SYNJ2: variants seen among roughly 807,000 people sequenced by gnomAD.
SYNJ2 encodes the protein polyphosphatidylinositol phosphatase SYNJ2.
A neutral mutation model predicts 141.3 loss-of-function variants in SYNJ2; 116 were observed. The observed-to-expected ratio is 0.82, with a 90% CI of 0.71 to 0.96. The LOEUF (loss-of-function observed/expected upper bound fraction) is 0.96. Ranked by LOEUF, SYNJ2 falls within the 40% of genes least tolerant of loss-of-function variation. The pLI, the probability that SYNJ2 is intolerant of heterozygous loss-of-function variation, is 0.00. For missense variants in SYNJ2, 1,873 were observed against 1,934.8 expected (o/e 0.97, Z 0.60); for synonymous variants, 745 against 777.7 (o/e 0.96, Z 0.70).
chr6:157,999,378 A>C (rs900680981), intron 1 of SYNJ2, among the ~76,000 whole-genome samples: 1 of 152,206 alleles, frequency 6.6e-6, no homozygotes, highest in Non-Finnish European at 1.5e-5. Flanking sequence ...CTTCATGGCC[A>C]TGCCCTGGCA....
intron 1 of SYNJ2, among the ~76,000 whole-genome samples, chr6:157,992,176 G>A (rs1422733359): frequency 6.6e-6 from 1 of 151,972 alleles, no homozygotes; most frequent in Non-Finnish European, 1.5e-5. Flanking sequence ...AAATTATATA[G>A]TCACCATGTT....
chr6:158,087,896 T>TTTTA (rs1783165669), intron 23 of SYNJ2, among the ~76,000 whole-genome samples: 1 of 149,934 alleles, frequency 6.7e-6, no homozygotes, highest in African/African-American at 2.4e-5. Flanking sequence ...TTTTTTTTTT[T>TTTTA]AACAAAATTA....
intron 3 of SYNJ2, chr6:158,030,307 A>C (rs553007268): frequency 6.6e-6 from 1 of 152,666 alleles, no homozygotes; most frequent in Non-Finnish European, 1.5e-5. Context: ...ATGTTTTAGA[A>C]TCCAGTGTCT....
At chr6:158,006,237 A>G (rs1474128163) in intron 1 of SYNJ2, among the ~76,000 whole-genome samples, 1 of 152,074 alleles carries the variant, frequency 6.6e-6, no homozygotes, top group Admixed American at 6.5e-5. Context: ...GTATGCACAC[A>G]CGCACGATCC....
Position 158,070,819 on chromosome 6 carries a change from A to G in SYNJ2, c.1941-783A>G, listed in dbSNP as rs190488109. Among the ~76,000 whole-genome samples, 49 of 152,322 alleles carry G rather than the reference A, an allele frequency of 3.2e-4. No individual in the cohort carries two copies. Among genetic ancestry groups the G allele is most frequent in the Middle Eastern group, 3.4e-3 (1 of 294 alleles). On this transcript the variant is annotated intron_variant, in intron 14 of 26. Coordinates refer to ENST00000355585, the MANE Select transcript of SYNJ2 (RefSeq NM_003898.4). This position sits in a 1 kb window ranked among gnomAD's most constrained non-coding sequence, Gnocchi z 4.0. ...CATTTGAATGCAAGCAGGCTCTGGC[A>G]TTGCATAAAAGTCCTTTTGAGACCA... is the stretch of plus-strand genomic sequence containing the variant.
chr6:158,017,152 G>A (rs1778494493), intron 1 of SYNJ2, 52 bp from the exon 2 acceptor site: 5 of 1,595,832 alleles, frequency 3.1e-6, no homozygotes, highest in Non-Finnish European at 4.3e-6. Flanking sequence ...GAATGAACAG[G>A]AATGAGCAGG....
intron 6 of SYNJ2, among the ~76,000 whole-genome samples, chr6:158,057,882 C>A (rs1440464078): frequency 6.6e-6 from 1 of 152,228 alleles, no homozygotes; most frequent in Non-Finnish European, 1.5e-5. Flanking sequence ...CACACACAGC[C>A]CGCCCCAGGG....
At chr6:158,013,644 T>C (rs1226783452) in intron 1 of SYNJ2, among the ~76,000 whole-genome samples, 1 of 152,168 alleles carries the variant, frequency 6.6e-6, no homozygotes, top group Non-Finnish European at 1.5e-5. Context: ...TAAAATTTGT[T>C]TGTCACCCCA....
chr6:158,069,090 C>T (rs982910329), intron 13 of SYNJ2, among the ~76,000 whole-genome samples: 1 of 152,016 alleles, frequency 6.6e-6, no homozygotes, highest in African/African-American at 2.4e-5. Flanking sequence ...ACTCATGTTT[C>T]CTGGGGAGAG....
intron 1 of SYNJ2, among the ~76,000 whole-genome samples, chr6:157,989,433 T>A (rs1213107667): frequency 2.0e-5 from 1 of 50,142 alleles, no homozygotes; most frequent in African/African-American, 1.2e-4. Flanking sequence ...AATGAATATA[T>A]ATATATATAT....
chr6:158,036,780 A>T (rs2128340367), intron 4 of SYNJ2, among the ~76,000 whole-genome samples: 1 of 152,318 alleles, frequency 6.6e-6, no homozygotes, highest in African/African-American at 2.4e-5. Context: ...CTTAAAATAA[A>T]AGTTAAATTT....
intron 15 of SYNJ2, among the ~76,000 whole-genome samples, 169 bp from the exon 16 acceptor site, chr6:158,074,411 A>G (rs936598335): frequency 6.6e-6 from 1 of 152,192 alleles, no homozygotes; most frequent in African/African-American, 2.4e-5. Context: ...ATTCCTCCAT[A>G]GTTTTATGGG....
chr6:158,065,705 T>G (rs1781522427), intron 11 of SYNJ2, among the ~76,000 whole-genome samples: 1 of 152,196 alleles, frequency 6.6e-6, no homozygotes, highest in Non-Finnish European at 1.5e-5. Flanking sequence ...TCACCGTCAC[T>G]GGGGGAGCTC....
chr6:157,989,914 G>GC (rs1554228314), intron 1 of SYNJ2, among the ~76,000 whole-genome samples: 1 of 152,012 alleles, frequency 6.6e-6, no homozygotes, highest in Non-Finnish European at 1.5e-5. Flanking sequence ...TTTCTGGGGG[G>GC]GGCTAGGAGG....
chr6:158,080,553 T>A (rs1782613457), intron 18 of SYNJ2, among the ~76,000 whole-genome samples: 1 of 149,942 alleles, frequency 6.7e-6, no homozygotes, highest in Non-Finnish European at 1.5e-5. Flanking sequence ...ATGATCAACC[T>A]CATGCATTAA....
At chr6:158,072,020 G>A (rs780619496) in intron 15 of SYNJ2, among the ~76,000 whole-genome samples, 1 of 152,202 alleles carries the variant, frequency 6.6e-6, no homozygotes, top group Non-Finnish European at 1.5e-5. Context: ...TCCCGTTGCT[G>A]TACAATTCCT....
chr6:158,063,898 G>C, intron 9 of SYNJ2, 26 bp downstream of exon 9: 1 of 1,611,408 alleles, frequency 6.2e-7, no homozygotes, highest in Non-Finnish European at 8.5e-7. Context: ...AGCCTTTTCG[G>C]CCATCTGTGC....
chr6:157,997,850 G>A (rs1374552005), intron 1 of SYNJ2, among the ~76,000 whole-genome samples: 2 of 152,202 alleles, frequency 1.3e-5, no homozygotes, highest in Non-Finnish European at 2.9e-5. Context: ...CCTAACCATC[G>A]TGGAGGCTGT....
chr6:158,019,306 A>T (rs1416732161), intron 2 of SYNJ2, among the ~76,000 whole-genome samples: 1 of 152,238 alleles, frequency 6.6e-6, no homozygotes, highest in Non-Finnish European at 1.5e-5. Context: ...GGCACCAGGG[A>T]CTGCCTTCAA....
Sources: allele counts gnomAD v4.1 joint callset (sites outside exome capture counted in the v4.1 genomes callset), GRCh38; gene constraint gnomAD v4.1.1; non-coding constraint Gnocchi (gnomAD v3.1); transcripts MANE v1.5; gene names NCBI Gene and HGNC (gene_info 2026-07-23, HGNC 2026-07-21).